The following MSRA variants were observed in gnomAD, a reference collection of about 807,000 sequenced individuals.
The protein encoded by MSRA is methionine sulfoxide reductase A, also known as mitochondrial peptide methionine sulfoxide reductase.
In MSRA, 54 loss-of-function variants were observed where a neutral mutation model predicts 31.3. The observed-to-expected ratio is 1.73, with a 90% CI of 1.39 to 2.17. The LOEUF (loss-of-function observed/expected upper bound fraction) is 2.17. MSRA is among the 30% of genes most tolerant of loss of function. The pLI is 0.00. For missense variants in MSRA, 507 were observed against 300.9 expected (o/e 1.69, Z -5.07); for synonymous variants, 169 against 116.5 (o/e 1.45, Z -2.90).
chr8:10,342,250 C>T (rs1048030979), intron 5 of MSRA, among the ~76,000 whole-genome samples: 13 of 152,054 alleles, frequency 8.5e-5, no homozygotes, highest in African/African-American at 1.7e-4. Flanking sequence ...GACCTCTTTG[C>T]ACCCAAAAAT....
intron 1 of MSRA, among the ~76,000 whole-genome samples, chr8:10,151,047 A>G (rs1290499000): frequency 6.6e-6 from 1 of 151,828 alleles, no homozygotes; most frequent in Non-Finnish European, 1.5e-5. Context: ...GCATGGTGAT[A>G]ATTCACAACA....
intron 1 of MSRA, among the ~76,000 whole-genome samples, chr8:10,150,102 G>A (rs575290058): frequency 6.6e-6 from 1 of 151,960 alleles, no homozygotes; most frequent in African/African-American, 2.4e-5. Flanking sequence ...TGAAACTACA[G>A]GAATGCCGAG....
chr8:10,358,911 C>G (rs1444997999), intron 5 of MSRA, among the ~76,000 whole-genome samples: 5 of 152,124 alleles, frequency 3.3e-5, no homozygotes, highest in African/African-American at 7.2e-5. Flanking sequence ...AGCAGGAACC[C>G]TATTGTGAAC....
intron 1 of MSRA, among the ~76,000 whole-genome samples, chr8:10,144,117 C>T (rs796815646): frequency 8.5e-5 from 13 of 152,178 alleles, no homozygotes; most frequent in African/African-American, 2.9e-4. Context: ...TTAGCAGGGC[C>T]GGATCGCCAC....
intron 5 of MSRA, among the ~76,000 whole-genome samples, chr8:10,427,091 G>C (rs1254297499): frequency 6.6e-6 from 1 of 152,184 alleles, no homozygotes; most frequent in African/African-American, 2.4e-5. Context: ...ACTGTGCTTG[G>C]CAGACTTGAA....
intron 5 of MSRA, among the ~76,000 whole-genome samples, chr8:10,421,587 C>A (rs1210695838): frequency 1.3e-5 from 2 of 152,120 alleles, no homozygotes; most frequent in African/African-American, 4.8e-5. Flanking sequence ...TGTTAGCAGG[C>A]TGCAGTCAGC....
At chr8:10,416,728 C>G (rs894972330) in intron 5 of MSRA, among the ~76,000 whole-genome samples, 6 of 152,244 alleles carry the variant, frequency 3.9e-5, no homozygotes, top group African/African-American at 1.4e-4. Context: ...TCTAACCTCA[C>G]ATGGGATTCG....
intron 5 of MSRA, among the ~76,000 whole-genome samples, chr8:10,340,512 T>A (rs6601440): frequency 0.88 from 133,319 of 152,256 alleles, 58,730 homozygotes; most frequent in South Asian, 0.93. Flanking sequence ...AGCTGGGATT[T>A]TAGGCATGTG....
intron 3 of MSRA, among the ~76,000 whole-genome samples, chr8:10,277,588 T>C (rs766673572): frequency 2.6e-5 from 4 of 152,234 alleles, no homozygotes; most frequent in Non-Finnish European, 4.4e-5. Context: ...GAGTAGGTAG[T>C]ATAAGTGGCA....
intron 1 of MSRA, among the ~76,000 whole-genome samples, chr8:10,115,967 C>T (rs753539974): frequency 6.6e-6 from 1 of 152,198 alleles, no homozygotes; most frequent in Non-Finnish European, 1.5e-5. Context: ...GTTGCCGTCC[C>T]CTTCACCTCC....
rs533283932 is a variant in MSRA, at chr8:10,269,939, T to C, written c.331+24716T>C. On this transcript the variant is annotated intron_variant, in intron 3 of 5. Transcript: ENST00000317173. Reference sequence around the variant, plus strand: ...GTGCTGGGATTACAGGCGTGAGCCATCGTGCCTGGCCTGCTACCGCTTACT... The same window carrying C: ...GTGCTGGGATTACAGGCGTGAGCCACCGTGCCTGGCCTGCTACCGCTTACT... Among the ~76,000 whole-genome samples the C allele has an allele frequency of 2.6e-5, 4 of 152,106 alleles. No homozygotes were observed. In the East Asian group the frequency reaches 5.8e-4, roughly 22 times the overall value.
chr8:10,055,534 C>G (rs1016517681), intron 1 of MSRA, among the ~76,000 whole-genome samples: 1 of 152,228 alleles, frequency 6.6e-6, no homozygotes, highest in African/African-American at 2.4e-5. Context: ...TGGGCGTTCC[C>G]CCATTACTGA....
chr8:10,351,869 G>A lies in MSRA; in HGVS notation c.543+31880G>A, dbSNP rs149485091. Among the ~76,000 whole-genome samples, 224 of 152,292 alleles carry A rather than the reference G, an allele frequency of 1.5e-3. 1 individual carries two copies. Among genetic ancestry groups the A allele is most frequent in the African/African-American group, 4.9e-3 (204 of 41,546 alleles). ...TTCCTAATAAACTCCCAGAAGAGGC[G>A]CAGGTTTTAAGGCTATGAGGTGCTT... On this transcript the variant is annotated intron_variant, in intron 5 of 5. Coordinates refer to ENST00000317173, the MANE Select transcript of MSRA (RefSeq NM_012331.5).
chr8:10,081,550 C>T (rs766186973), intron 1 of MSRA, among the ~76,000 whole-genome samples: 3 of 152,126 alleles, frequency 2.0e-5, no homozygotes, highest in Non-Finnish European at 4.4e-5. Context: ...AGTGCAGTGG[C>T]GTGATCTCAG....
At chr8:10,239,363 T>A (rs1282452609) in intron 2 of MSRA, among the ~76,000 whole-genome samples, 1 of 152,230 alleles carries the variant, frequency 6.6e-6, no homozygotes, top group Non-Finnish European at 1.5e-5. Flanking sequence ...GGTTTCACCA[T>A]ATTGGCCAGG....
intron 3 of MSRA, among the ~76,000 whole-genome samples, chr8:10,280,424 C>T (rs1799560478): frequency 6.6e-6 from 1 of 152,042 alleles, no homozygotes; most frequent in African/African-American, 2.4e-5. Context: ...GTAGCAGCTC[C>T]ATTATAATTC....
rs1166500683 is a variant in MSRA at position 10,361,584 on chromosome 8, TA to T, written c.543+41598del. Among the ~76,000 whole-genome samples the T allele has an allele frequency of 2.0e-5, 3 of 152,150 alleles. No homozygotes were observed. In the East Asian group the frequency reaches 5.8e-4, roughly 29 times the overall value. On this transcript the variant is annotated intron_variant, in intron 5 of 5. Transcript: ENST00000317173. ...TCTTGAAGGCTGCAAACTCGGGATG[TA>T]AACACAAGCCATTACTGGGAGAGCA...
intron 3 of MSRA, among the ~76,000 whole-genome samples, chr8:10,276,970 G>C (rs1000667778): frequency 6.6e-6 from 1 of 152,026 alleles, no homozygotes; most frequent in African/African-American, 2.4e-5. Flanking sequence ...AAATGGATTT[G>C]ATTTTTTTTC....
chr8:10,054,303 G>T lies in MSRA; in HGVS notation c.-214G>T. ...GGGCCACACCCCCTGTCCAGGGAAG[G>T]AACACGCCCCCGGTGACAGCCGGTA... On this transcript the variant is annotated 5_prime_UTR_variant, in exon 1 of 6. Coordinates refer to ENST00000317173, the MANE Select transcript of MSRA (RefSeq NM_012331.5). The T allele has an allele frequency of 2.7e-6, 1 of 368,838 alleles. No individual in the cohort carries two copies. Among genetic ancestry groups the T allele is most frequent in the Non-Finnish European group, 4.7e-6 (1 of 213,628 alleles). 22.8% of individuals were successfully genotyped at this position (368,838 alleles called of 1,614,324 possible).
Sources: allele counts gnomAD v4.1 joint callset (sites outside exome capture counted in the v4.1 genomes callset), GRCh38; gene constraint gnomAD v4.1.1; transcripts MANE v1.5; gene names NCBI Gene and HGNC (gene_info 2026-07-23, HGNC 2026-07-21).